NIPAL2: variants seen among roughly 807,000 people sequenced by gnomAD.
NIPAL2 encodes NIPA-like protein 2.
In NIPAL2, 43 loss-of-function variants were observed where a neutral mutation model predicts 48.9. The ratio of observed to expected loss-of-function variants is 0.88; its 90% confidence interval spans 0.69 to 1.13. The LOEUF is 1.13. Ranked by LOEUF, NIPAL2 falls within the 50% of genes most tolerant of loss-of-function variation. The pLI is 0.00. For missense variants in NIPAL2, 446 were observed against 461.4 expected (o/e 0.97, Z 0.31); for synonymous variants, 167 against 174.6 (o/e 0.96, Z 0.34).
intron 1 of NIPAL2, among the ~76,000 whole-genome samples, chr8:98,264,082 C>A (rs892398108): frequency 3.9e-5 from 6 of 151,968 alleles, no homozygotes; most frequent in Non-Finnish European, 8.8e-5. Context: ...ATTCAACAAC[C>A]CTTATGCTAA....
chr8:98,259,322 G>A (rs990405534), intron 1 of NIPAL2, among the ~76,000 whole-genome samples: 7 of 151,858 alleles, frequency 4.6e-5, no homozygotes, highest in African/African-American at 7.2e-5. Flanking sequence ...TGATCCGCCC[G>A]TCTCGGCCTC....
chr8:98,276,975 G>A (rs988893825), intron 1 of NIPAL2, among the ~76,000 whole-genome samples: 1 of 151,746 alleles, frequency 6.6e-6, no homozygotes, highest in African/African-American at 2.4e-5. Context: ...TCACCCTGTT[G>A]GCCAGGCTGG....
intron 1 of NIPAL2, among the ~76,000 whole-genome samples, chr8:98,276,778 T>G (rs1362738719): frequency 1.3e-5 from 2 of 151,566 alleles, no homozygotes. Context: ...TTCTTTTCTT[T>G]TTTCTTTTTT....
At position 98,193,101 on chromosome 8, in the gene NIPAL2, A is replaced by G; in HGVS notation, c.1040-11T>C. On this transcript the variant is annotated splice_polypyrimidine_tract_variant and intron_variant, in intron 10 of 10. Transcript: ENST00000430223. ...CCAACATTTGTTTCCCTGTGGAGAT[A>G]ATAATCATAGAGAATCTTTTGAGGT... The G allele has an allele frequency of 1.3e-6, 2 of 1,589,598 alleles. No individual in the cohort carries two copies. Among genetic ancestry groups the G allele is most frequent in the Non-Finnish European group, 1.7e-6 (2 of 1,158,000 alleles).
At chr8:98,282,442 G>T (rs1815892808) in intron 1 of NIPAL2, among the ~76,000 whole-genome samples, 1 of 152,148 alleles carries the variant, frequency 6.6e-6, no homozygotes, top group South Asian at 2.1e-4. Context: ...GGAAGACCAA[G>T]CAGGAGATAG....
At position 98,192,799 on chromosome 8, in the gene NIPAL2, T is replaced by C. The variant is rs1262089953; in HGVS notation, c.*179A>G. The C allele has an allele frequency of 6.6e-6, 4 of 603,440 alleles. No homozygotes were observed. Among genetic ancestry groups the C allele is most frequent in the South Asian group, 4.0e-5 (2 of 49,468 alleles). The allele number at this position is 603,440 out of a possible 1,614,324, so 37.4% of individuals were successfully genotyped here. A position where few individuals can be genotyped will look rare whatever the true frequency, so the allele number is the denominator to read the frequency against. On this transcript the variant is annotated 3_prime_UTR_variant, in exon 11 of 11. Transcript: ENST00000430223. ...CTCCAAATCACATTCCATGGAAATA[T>C]TAGACTGTCAGAGCTTAGGAAGTCC...
rs375421405 is a variant in NIPAL2 at position 98,207,962 on chromosome 8, G to T, written c.656-2716C>A. Among the ~76,000 whole-genome samples the T allele has an allele frequency of 4.6e-5, 7 of 152,188 alleles. No homozygotes were observed. In the East Asian group the frequency reaches 1.2e-3, roughly 25 times the overall value. On this transcript the variant is annotated intron_variant, in intron 6 of 10. Coordinates refer to ENST00000430223, the MANE Select transcript of NIPAL2 (RefSeq NM_001321635.2). ...TTTTTTAACTATTAAAAGCGGGGCT[G>T]TGATGAATATTCTTGAACGTAAGTC...
chr8:98,263,456 G>A (rs879363721), intron 1 of NIPAL2, among the ~76,000 whole-genome samples: 38 of 149,398 alleles, frequency 2.5e-4, no homozygotes, highest in East Asian at 5.9e-4. Context: ...TATCACCACC[G>A]ATCCCACAGA....
At chr8:98,279,604 A>G (rs1003230186) in intron 1 of NIPAL2, among the ~76,000 whole-genome samples, 2 of 152,238 alleles carry the variant, frequency 1.3e-5, no homozygotes, top group African/African-American at 4.8e-5. Flanking sequence ...GCTAGATAGC[A>G]GCCAAATTTT....
Position 98,192,982 on chromosome 8 carries a change from A to C in NIPAL2, c.1148T>G (p.Val383Gly), listed in dbSNP as rs1361459731. The C allele has an allele frequency of 3.7e-6, 6 of 1,602,872 alleles. No individual in the cohort carries two copies. The highest frequency in any genetic ancestry group is 5.1e-6 in the Non-Finnish European group (6 of 1,169,952). ...TKSQSGEKKE[V>G] ...AACAGCCATCCTTCTCAGCATTTAG[A>C]CCTCTTTCTTCTCTCCACTTTGGCT... is the stretch of plus-strand genomic sequence containing the variant. Residue 383 changes from valine (V) to glycine (G), a missense_variant, in exon 11 of 11, where the codon GTC (valine) becomes GGC (glycine). By Grantham distance (109) the Val-to-Gly change is moderately radical (BLOSUM62 -3). Coordinates refer to ENST00000430223, the MANE Select transcript of NIPAL2 (RefSeq NM_001321635.2).
chr8:98,207,492 G>A (rs1586307956), intron 6 of NIPAL2, among the ~76,000 whole-genome samples: 1 of 151,992 alleles, frequency 6.6e-6, no homozygotes, highest in Non-Finnish European at 1.5e-5. Flanking sequence ...AAAAATAGAA[G>A]GTACTTAGGT....
At chr8:98,266,236 A>G (rs1814726094) in intron 1 of NIPAL2, among the ~76,000 whole-genome samples, 1 of 151,202 alleles carries the variant, frequency 6.6e-6, no homozygotes, top group African/African-American at 2.4e-5. Flanking sequence ...TACATATGTA[A>G]CTAACCTGCA....
chr8:98,218,120 G>A (rs1205029138), intron 5 of NIPAL2, among the ~76,000 whole-genome samples: 1 of 152,166 alleles, frequency 6.6e-6, no homozygotes, highest in Non-Finnish European at 1.5e-5. Flanking sequence ...ATTAAACAAT[G>A]CTGTTTATTC....
chr8:98,235,750 G>A (rs993435016), intron 4 of NIPAL2, among the ~76,000 whole-genome samples: 1 of 151,472 alleles, frequency 6.6e-6, no homozygotes, highest in African/African-American at 2.4e-5. Context: ...TGGAAGAAGG[G>A]AGGCATTGTT....
chr8:98,266,144 A>AG (rs1814717436), intron 1 of NIPAL2, among the ~76,000 whole-genome samples: 1 of 57,500 alleles, frequency 1.7e-5, no homozygotes, highest in East Asian at 6.5e-4. Flanking sequence ...GGGTGGGGGG[A>AG]GGGGGGAGGG....
At chr8:98,214,415 C>T (rs867245283) in intron 5 of NIPAL2, among the ~76,000 whole-genome samples, 4 of 152,266 alleles carry the variant, frequency 2.6e-5, no homozygotes, top group South Asian at 4.1e-4. Context: ...CCACCTGCCT[C>T]GGCCTCCCAA....
rs774556900 is a variant in NIPAL2, at chr8:98,242,488, A to ATTTTTTGTTTTTTTTTTT, written c.377-6275_377-6274insAAAAAAAAAAACAAAAAA. ...AGGCAAAAGCCACTGCACCTGACAG[A>ATTTTTTGTTTTTTTTTTT]TTTTTTTTTTTTTTTTTTTAACTGA... On this transcript the variant is annotated intron_variant, in intron 3 of 10. Transcript: ENST00000430223. Among the ~76,000 whole-genome samples the ATTTTTTGTTTTTTTTTTT allele has an allele frequency of 1.7e-5, 2 of 117,774 alleles. 1 individual carries two copies. The highest frequency in any genetic ancestry group is 3.4e-5 in the Non-Finnish European group (2 of 59,276). The allele number at this position is 117,774 out of a possible 152,430, so 77.3% of individuals were successfully genotyped here. A position where few individuals can be genotyped will look rare whatever the true frequency, so the allele number is the denominator to read the frequency against.
At chr8:98,216,477 A>C (rs1244514566) in intron 5 of NIPAL2, among the ~76,000 whole-genome samples, 1 of 152,236 alleles carries the variant, frequency 6.6e-6, no homozygotes, top group Non-Finnish European at 1.5e-5. Flanking sequence ...TCAGACAATA[A>C]AGCAAATAAC....
chr8:98,266,736 A>G (rs1338436208), intron 1 of NIPAL2, among the ~76,000 whole-genome samples: 1 of 152,032 alleles, frequency 6.6e-6, no homozygotes, highest in Non-Finnish European at 1.5e-5. Context: ...GAGCAAAAAC[A>G]CCAATTTTAT....
Sources: gnomAD v4.1 joint callset for allele counts (sites outside exome capture counted in the v4.1 genomes callset) on GRCh38, gnomAD v4.1.1 for gene constraint, MANE v1.5 for transcripts, NCBI Gene and HGNC (gene_info 2026-07-23, HGNC 2026-07-21) for gene names.